Variants in PLPPR1 observed in about 807,000 individuals in gnomAD.
The protein encoded by PLPPR1 is phospholipid phosphatase-related protein type 1.
A neutral mutation model predicts 33.1 loss-of-function variants in PLPPR1; 10 were observed. The ratio of observed to expected loss-of-function variants is 0.30; its 90% confidence interval spans 0.19 to 0.51. The LOEUF is 0.51. Among genes scored for constraint, PLPPR1 ranks in the 20% least tolerant of loss-of-function variants. The probability of loss-of-function intolerance (pLI) is 0.97; values close to 1 mark genes in which losing one functional copy is unlikely to be tolerated. For synonymous variants in PLPPR1, 151 were observed against 151.0 expected, an observed-to-expected ratio of 1.00 and a Z score of 0.00; for missense variants, 304 against 408.1, an observed-to-expected ratio of 0.74 and a Z score of 2.20.
At chr9:101,203,803 A>C (rs1826539539) in intron 2 of PLPPR1, among the ~76,000 whole-genome samples, 1 of 152,012 alleles carries the variant, frequency 6.6e-6, no homozygotes, top group Middle Eastern at 3.4e-3. Flanking sequence ...TTAAAAGACA[A>C]ATTTTATGGC....
At chr9:101,200,155 T>G (rs1327312950) in intron 2 of PLPPR1, among the ~76,000 whole-genome samples, 2 of 152,116 alleles carry the variant, frequency 1.3e-5, no homozygotes, top group African/African-American at 4.8e-5. Flanking sequence ...GGAGCAGTCC[T>G]CAACTAAAGA....
At chr9:101,253,164 A>G (rs1002907317) in intron 2 of PLPPR1, among the ~76,000 whole-genome samples, 2 of 152,060 alleles carry the variant, frequency 1.3e-5, no homozygotes, top group African/African-American at 4.8e-5. Flanking sequence ...ATTACAGTGG[A>G]GGGTTCCACA....
intron 1 of PLPPR1, among the ~76,000 whole-genome samples, chr9:101,180,143 T>TATAC (rs1564167627): frequency 5.6e-4 from 22 of 39,180 alleles, no homozygotes; most frequent in South Asian, 1.5e-3. Flanking sequence ...TATATATATA[T>TATAC]ACACACACAC....
At chr9:101,280,754 T>C (rs1220026462) in intron 3 of PLPPR1, among the ~76,000 whole-genome samples, 1 of 151,810 alleles carries the variant, frequency 6.6e-6, no homozygotes, top group Non-Finnish European at 1.5e-5. Context: ...TAAAACGGAG[T>C]ATAGAAGGAA....
intron 1 of PLPPR1, among the ~76,000 whole-genome samples, chr9:101,087,994 G>C (rs1830698716): frequency 6.6e-6 from 1 of 152,174 alleles, no homozygotes; most frequent in East Asian, 1.9e-4. Context: ...GTACATGGTA[G>C]AGAGTTTGTC....
intron 2 of PLPPR1, among the ~76,000 whole-genome samples, chr9:101,250,046 C>T (rs1262580499): frequency 1.3e-5 from 2 of 152,028 alleles, no homozygotes; most frequent in South Asian, 2.1e-4. Context: ...ATTTAGGAAA[C>T]ACTTTACATG....
At chr9:101,069,929 C>T (rs1013529325) in intron 1 of PLPPR1, among the ~76,000 whole-genome samples, 1 of 152,074 alleles carries the variant, frequency 6.6e-6, no homozygotes, top group African/African-American at 2.4e-5. Flanking sequence ...GATGTTTTCT[C>T]ATGATTAACA....
intron 7 of PLPPR1, among the ~76,000 whole-genome samples, chr9:101,319,718 ATCTC>A (rs1438384087): frequency 6.6e-6 from 1 of 152,232 alleles, no homozygotes; most frequent in African/African-American, 2.4e-5. Context: ...GTGAAATAGA[ATCTC>A]TCTAACTTTT....
chr9:101,040,920 G>GA lies in PLPPR1; in HGVS notation c.-46+11827dup, dbSNP rs199947908. ...AAATGTATTTAATAAATGAACAAAA[G>GA]AAAAAAAAATATCGTCTTGAGAATG... On this transcript the variant is annotated intron_variant, in intron 1 of 7. Coordinates refer to ENST00000374874, the MANE Select transcript of PLPPR1 (RefSeq NM_207299.2). Among the ~76,000 whole-genome samples, 58 of 151,180 alleles carry GA rather than the reference G, an allele frequency of 3.8e-4. 1 individual carries two copies. Among genetic ancestry groups the GA allele is most frequent in the African/African-American group, 1.3e-3 (54 of 41,244 alleles).
chr9:101,079,539 C>T (rs1057019995), intron 1 of PLPPR1, among the ~76,000 whole-genome samples: 3 of 151,050 alleles, frequency 2.0e-5, no homozygotes, highest in Non-Finnish European at 4.4e-5. Context: ...CTATTTCCTT[C>T]ACATCTTGAA....
chr9:101,038,905 C>T (rs992401444), intron 1 of PLPPR1, among the ~76,000 whole-genome samples: 2 of 152,086 alleles, frequency 1.3e-5, no homozygotes, highest in Non-Finnish European at 2.9e-5. Context: ...AGTTAGACAA[C>T]AATCAGCTGT....
chr9:101,193,901 A>G (rs1187692823), intron 2 of PLPPR1, among the ~76,000 whole-genome samples: 4 of 152,244 alleles, frequency 2.6e-5, no homozygotes, highest in Admixed American at 2.6e-4. Context: ...ACATTCAGGA[A>G]GTCAACTTTC....
chr9:101,239,083 G>T (rs1422214438), intron 2 of PLPPR1, among the ~76,000 whole-genome samples: 1 of 149,810 alleles, frequency 6.7e-6, no homozygotes, highest in Non-Finnish European at 1.5e-5. Context: ...GTGTGTGTGT[G>T]TGTGTACATA....
At chr9:101,223,336 C>CA (rs11430026) in intron 2 of PLPPR1, among the ~76,000 whole-genome samples, 100,277 of 144,800 alleles carry the variant, frequency 0.69, 34,791 homozygotes, top group East Asian at 0.98. Context: ...ACCCTGTTTC[C>CA]AAAAAAAAAA....
rs117232440 is a variant in PLPPR1, at chr9:101,069,429, C to T, written c.-46+40327C>T. ...TGCAGGTCTGTGTCTACAATGGTAA[C>T]GTTGTGACATAACCGAGCAGTATCA... On this transcript the variant is annotated intron_variant, in intron 1 of 7. Coordinates refer to ENST00000374874, the MANE Select transcript of PLPPR1 (RefSeq NM_207299.2). 3.5e-3 allele frequency among the ~76,000 whole-genome samples: 532 copies of T among 152,134 alleles called. 1 individual carries two copies. The highest frequency in any genetic ancestry group is 0.019 in the South Asian group (92 of 4,810).
intron 2 of PLPPR1, among the ~76,000 whole-genome samples, chr9:101,252,470 T>C (rs567506784): frequency 1.3e-5 from 2 of 152,230 alleles, no homozygotes; most frequent in East Asian, 3.9e-4. Flanking sequence ...GCAGGATCCT[T>C]AAATGTGTTT....
intron 1 of PLPPR1, among the ~76,000 whole-genome samples, chr9:101,081,752 A>C (rs561285974): frequency 6.6e-6 from 1 of 152,376 alleles, no homozygotes; most frequent in East Asian, 1.9e-4. Flanking sequence ...TCTTAGAAAA[A>C]GGAATGGAGA....
rs533950025 is a variant in PLPPR1 at position 101,163,137 on chromosome 9, T to C, written c.-45-22313T>C. Among the ~76,000 whole-genome samples, 3 of 152,318 alleles carry C rather than the reference T, an allele frequency of 2.0e-5. No individual in the cohort carries two copies. The East Asian group carries it at 5.8e-4, about 29-fold the overall frequency. Reference sequence around the variant, plus strand: ...TTAATGATCTTTTTATCTGTGTGAATAAGGAGAATGTTTAATAAGTATTGC... The same window carrying C: ...TTAATGATCTTTTTATCTGTGTGAACAAGGAGAATGTTTAATAAGTATTGC... On this transcript the variant is annotated intron_variant, in intron 1 of 7. Transcript: ENST00000374874.
At chr9:101,263,253 ACTC>A (rs1157784294) in intron 2 of PLPPR1, among the ~76,000 whole-genome samples, 1 of 152,034 alleles carries the variant, frequency 6.6e-6, no homozygotes, top group African/African-American at 2.4e-5. Context: ...CAAAGGAAGA[ACTC>A]CTGTCTGGTC....
Sources: allele counts gnomAD v4.1 joint callset (sites outside exome capture counted in the v4.1 genomes callset), GRCh38; gene constraint gnomAD v4.1.1; transcripts MANE v1.5; gene names NCBI Gene and HGNC (gene_info 2026-07-23, HGNC 2026-07-21).